STRN3: variants seen among roughly 807,000 people sequenced by gnomAD.
STRN3 encodes striatin 3.
In STRN3, 29 loss-of-function variants were observed where a neutral mutation model predicts 95.6. That is an observed-to-expected ratio of 0.30 (90% confidence interval 0.23 to 0.41). The LOEUF is 0.41. STRN3 is among the 10% of genes least tolerant of loss of function. STRN3 has a pLI of 1.00. For synonymous variants in STRN3, 331 were observed against 357.6 expected (o/e 0.93, Z 0.84); for missense variants, 890 against 972.1 (o/e 0.92, Z 1.12).
At chr14:30,921,069 T>TACACACACACAC (rs367677158) in intron 8 of STRN3, among the ~76,000 whole-genome samples, 3,633 of 119,812 alleles carry the variant, frequency 0.03, 75 homozygotes, top group Admixed American at 0.087. Context: ...TACACATACA[T>TACACACACACAC]ATACACACAC....
chr14:30,943,353 C>T (rs1480405402), intron 5 of STRN3, among the ~76,000 whole-genome samples: 1 of 152,120 alleles, frequency 6.6e-6, no homozygotes, highest in Admixed American at 6.6e-5. Flanking sequence ...GAGGCTGAGG[C>T]AGGAAGTTGC....
chr14:30,987,101 A>G (rs1881728596), intron 1 of STRN3, among the ~76,000 whole-genome samples: 1 of 152,202 alleles, frequency 6.6e-6, no homozygotes, highest in South Asian at 2.1e-4. Context: ...AAACACACTT[A>G]CTAGTACAGG....
intron 1 of STRN3, among the ~76,000 whole-genome samples, chr14:30,989,423 A>G (rs1272790888): frequency 1.3e-5 from 2 of 152,166 alleles, no homozygotes; most frequent in African/African-American, 4.8e-5. Context: ...AGGTAGCGAG[A>G]CAGCAGCAAC....
At chr14:30,982,607 G>C (rs1405528296) in intron 1 of STRN3, among the ~76,000 whole-genome samples, 4 of 152,222 alleles carry the variant, frequency 2.6e-5, no homozygotes, top group African/African-American at 9.6e-5. Context: ...ACTGTGTCTG[G>C]CCAATAGATA....
At chr14:30,935,860 A>G (rs928018409) in intron 6 of STRN3, among the ~76,000 whole-genome samples, 1 of 152,202 alleles carries the variant, frequency 6.6e-6, no homozygotes, top group Non-Finnish European at 1.5e-5. Context: ...TTTGTGGAAC[A>G]CTGTCATTTT....
At chr14:30,957,619 C>T (rs1232952313) in intron 1 of STRN3, among the ~76,000 whole-genome samples, 1 of 152,090 alleles carries the variant, frequency 6.6e-6, no homozygotes, top group Admixed American at 6.6e-5. Flanking sequence ...TTTCTATTGT[C>T]ATTTTTCCAC....
In STRN3 at chr14:30,918,917, A is replaced by ATTT. The variant is rs1896809400; in HGVS notation, c.1240+46_1240+48dup. On this transcript the variant is annotated intron_variant, in intron 9 of 17. Transcript: ENST00000357479. ...CTAGTTGCATTAAGATGTGATTTGG[A>ATTT]TTTAAGGTCTTCTGAAATGTAAATA... is the stretch of plus-strand genomic sequence containing the variant. 4 of 1,472,412 alleles carry ATTT rather than the reference A, an allele frequency of 2.7e-6. No homozygotes were observed. In the South Asian group the frequency reaches 5.9e-5, roughly 22 times the overall value. The allele number at this position is 1,472,412 out of a possible 1,614,324, so 91.2% of individuals were successfully genotyped here.
intron 1 of STRN3, among the ~76,000 whole-genome samples, chr14:30,964,996 C>G (rs1203760663): frequency 6.6e-6 from 1 of 151,774 alleles, no homozygotes; most frequent in Non-Finnish European, 1.5e-5. Context: ...GGAGCTTGCT[C>G]TAGTTAGACA....
intron 1 of STRN3, among the ~76,000 whole-genome samples, chr14:31,003,008 A>G (rs967080931): frequency 2.6e-5 from 4 of 152,154 alleles, no homozygotes; most frequent in African/African-American, 9.7e-5. Flanking sequence ...TCATGCCTGT[A>G]ATCCCAGCAC....
At chr14:30,958,878 C>A (rs970057338) in intron 1 of STRN3, among the ~76,000 whole-genome samples, 1 of 152,090 alleles carries the variant, frequency 6.6e-6, no homozygotes, top group Non-Finnish European at 1.5e-5. Context: ...ACCAACTATC[C>A]ACACTTAGAC....
At position 31,004,975 on chromosome 14, in the gene STRN3, T is replaced by C. The variant is rs147561923; in HGVS notation, c.282+20929A>G. 5.3e-4 allele frequency among the ~76,000 whole-genome samples: 80 copies of C among 151,968 alleles called. 1 individual carries two copies. In the East Asian group the frequency reaches 0.014, roughly 27 times the overall value. Reference sequence around the variant, plus strand: ...AGAGATGATGCTGAGGGCTTCAGTATTTAAAGGGAAAAAGTGGGCTAAAGG... The same window carrying C: ...AGAGATGATGCTGAGGGCTTCAGTACTTAAAGGGAAAAAGTGGGCTAAAGG... On this transcript the variant is annotated intron_variant, in intron 1 of 17. Transcript: ENST00000357479.
intron 5 of STRN3, among the ~76,000 whole-genome samples, chr14:30,938,436 T>A (rs1031936888): frequency 2.0e-5 from 3 of 151,964 alleles, no homozygotes; most frequent in African/African-American, 7.3e-5. Context: ...TTAAAAGAAT[T>A]TTTTTTAAAG....
intron 7 of STRN3, among the ~76,000 whole-genome samples, chr14:30,931,170 T>C (rs1878517987): frequency 1.3e-5 from 2 of 152,158 alleles, no homozygotes; most frequent in Admixed American, 6.5e-5. Context: ...AAAGTAAATT[T>C]AGGCAGTGCA....
intron 13 of STRN3, among the ~76,000 whole-genome samples, chr14:30,909,394 A>AGGAGGATGGCTTGG (rs71112351): frequency 1 from 151,780 of 152,294 alleles, 75,640 homozygotes; most frequent in Middle Eastern, 1. Context: ...CCAGCTCCTC[A>AGGAGGATGGCTTGG]GCCTGGGAGG....
At chr14:30,923,947 T>C (rs1040856393) in intron 8 of STRN3, among the ~76,000 whole-genome samples, 3 of 152,012 alleles carry the variant, frequency 2.0e-5, no homozygotes, top group Non-Finnish European at 4.4e-5. Flanking sequence ...ACAGCACAAA[T>C]GGAGACCTTA....
At chr14:31,016,279 A>G (rs758563693) in intron 1 of STRN3, among the ~76,000 whole-genome samples, 33 of 152,230 alleles carry the variant, frequency 2.2e-4, no homozygotes, top group Non-Finnish European at 3.7e-4. Flanking sequence ...GCCTTTACTC[A>G]TAATTGTCAA....
intron 1 of STRN3, among the ~76,000 whole-genome samples, chr14:31,009,386 C>T (rs1594578345): frequency 6.6e-6 from 1 of 152,312 alleles, no homozygotes; most frequent in East Asian, 1.9e-4. Flanking sequence ...CCACTCTCCA[C>T]TAAATGCCAG....
At chr14:31,013,887 A>G (rs948521681) in intron 1 of STRN3, among the ~76,000 whole-genome samples, 1 of 100,118 alleles carries the variant, frequency 1.0e-5, no homozygotes, top group Middle Eastern at 5.8e-3. Context: ...TATTATTATT[A>G]TTATTATTAT....
At chr14:30,947,315 C>A in intron 4 of STRN3, 52 bp from the exon 5 acceptor site, 1 of 1,381,214 alleles carries the variant, frequency 7.2e-7, no homozygotes. Context: ...ATGTGCCAGA[C>A]TCAAAATCAC....
Sources: gnomAD v4.1 joint callset for allele counts (sites outside exome capture counted in the v4.1 genomes callset) on GRCh38, gnomAD v4.1.1 for gene constraint, MANE v1.5 for transcripts, NCBI Gene and HGNC (gene_info 2026-07-23, HGNC 2026-07-21) for gene names.